Variants in DOK6 observed in about 807,000 individuals in gnomAD.
The protein encoded by DOK6 is downstream of tyrosine kinase 6.
DOK6 carries 22 observed loss-of-function variants against 44.0 expected under a neutral mutation model. The observed-to-expected ratio is 0.50, with a 90% CI of 0.36 to 0.71. DOK6 has a LOEUF of 0.71. Among genes scored for constraint, DOK6 ranks in the 30% least tolerant of loss-of-function variants. The pLI, the probability that DOK6 is intolerant of heterozygous loss-of-function variation, is 0.00. For missense variants in DOK6, 340 were observed against 416.4 expected, an observed-to-expected ratio of 0.82 and a Z score of 1.60; for synonymous variants, 166 against 145.5, an observed-to-expected ratio of 1.14 and a Z score of -1.01.
rs1218076329 is a variant in DOK6, at chr18:69,842,341, CATCT to C, written c.*959_*962del. 2.0e-5 allele frequency: 3 copies of C among 152,152 alleles called. No homozygotes were observed. The highest frequency in any genetic ancestry group is 4.8e-5 in the African/African-American group (2 of 41,424). 9.4% of individuals were successfully genotyped at this position (152,152 alleles called of 1,614,324 possible). A position where few individuals can be genotyped will look rare whatever the true frequency, so the allele number is the denominator to read the frequency against. On this transcript the variant is annotated 3_prime_UTR_variant, in exon 8 of 8. Coordinates refer to ENST00000382713, the MANE Select transcript of DOK6 (RefSeq NM_152721.6). Reference sequence around the variant, plus strand: ...GACAATGTTGCTCCCTGTGGCCATCCATCTGAGCTACGTGAGGAGGATTCCATGT... The same window carrying C: ...GACAATGTTGCTCCCTGTGGCCATCCGAGCTACGTGAGGAGGATTCCATGT...
intron 1 of DOK6, among the ~76,000 whole-genome samples, chr18:69,515,071 C>T (rs1286159859): frequency 3.3e-5 from 5 of 151,996 alleles, no homozygotes; most frequent in Admixed American, 1.3e-4. Flanking sequence ...GACAGCTTTC[C>T]GTTTGTTTTA....
rs556660099 is a variant in DOK6, at chr18:69,759,117, A to G, written c.856+1244A>G. On this transcript the variant is annotated intron_variant, in intron 7 of 7. Coordinates refer to ENST00000382713, the MANE Select transcript of DOK6 (RefSeq NM_152721.6). The stretch of plus-strand genomic sequence containing the variant: ...AAGAGTTATTATCTTTGTTATTTGT[A>G]TGATAAAATATTTAACAGAATAAGG... Among the ~76,000 whole-genome samples, 70 of 151,106 alleles carry G rather than the reference A, an allele frequency of 4.6e-4. 1 individual carries two copies. Among genetic ancestry groups the G allele is most frequent in the African/African-American group, 1.5e-3 (62 of 41,492 alleles).
chr18:69,565,231 G>A (rs1313648202), intron 2 of DOK6, among the ~76,000 whole-genome samples: 1 of 152,098 alleles, frequency 6.6e-6, no homozygotes, highest in Non-Finnish European at 1.5e-5. Context: ...GAACAGTGTT[G>A]CTTAATTGGT....
intron 7 of DOK6, among the ~76,000 whole-genome samples, chr18:69,830,451 CACACACAGAGGAAAGG>C (rs1189558300): frequency 2.0e-5 from 3 of 152,140 alleles, no homozygotes; most frequent in Admixed American, 6.5e-5. Flanking sequence ...CTGACATGCT[CACACACAGAGGAAAGG>C]CCGTGTGAGG....
At chr18:69,664,365 A>G (rs1028970073) in intron 3 of DOK6, among the ~76,000 whole-genome samples, 3 of 152,220 alleles carry the variant, frequency 2.0e-5, no homozygotes, top group African/African-American at 7.2e-5. Flanking sequence ...AGCCATCTTT[A>G]TGAGCTGTAC....
At chr18:69,681,645 A>G (rs73469551) in intron 4 of DOK6, among the ~76,000 whole-genome samples, 24,497 of 152,212 alleles carry the variant, frequency 0.16, 2,351 homozygotes, top group Admixed American at 0.28. Context: ...CAAAGTTTAA[A>G]TTCTTAAAAT....
chr18:69,782,959 C>T lies in DOK6; in HGVS notation c.856+25086C>T, dbSNP rs1048255760. The stretch of plus-strand genomic sequence containing the variant: ...CAGCATGTGTGTGCCCTGTAGCCCA[C>T]GAACTTTGGAAGAAATTGACAGCAA... On this transcript the variant is annotated intron_variant, in intron 7 of 7. Coordinates refer to ENST00000382713, the MANE Select transcript of DOK6 (RefSeq NM_152721.6). 8.5e-5 allele frequency among the ~76,000 whole-genome samples: 13 copies of T among 152,224 alleles called. No homozygotes were observed. The Middle Eastern group carries it at 0.01, about 119-fold the overall frequency.
At chr18:69,535,106 C>T (rs1253622136) in intron 1 of DOK6, among the ~76,000 whole-genome samples, 2 of 152,042 alleles carry the variant, frequency 1.3e-5, no homozygotes, top group African/African-American at 4.8e-5. Flanking sequence ...CACAAGAGAT[C>T]TTATAAGGGT....
chr18:69,670,946 A>G (rs919376516), intron 3 of DOK6, among the ~76,000 whole-genome samples: 1 of 152,122 alleles, frequency 6.6e-6, no homozygotes, highest in African/African-American at 2.4e-5. Flanking sequence ...TTTTTAAAAA[A>G]TATCCAATTC....
intron 1 of DOK6, among the ~76,000 whole-genome samples, chr18:69,444,368 T>C (rs1177641265): frequency 6.6e-6 from 1 of 152,164 alleles, no homozygotes; most frequent in Non-Finnish European, 1.5e-5. Flanking sequence ...CAGGAACTCA[T>C]TGCCTTAGTG....
At chr18:69,812,501 G>C (rs1387996344) in intron 7 of DOK6, among the ~76,000 whole-genome samples, 1 of 152,102 alleles carries the variant, frequency 6.6e-6, no homozygotes, top group Non-Finnish European at 1.5e-5. Flanking sequence ...AGCTCCCAAG[G>C]ATCTGAAGGC....
At chr18:69,673,505 A>T (rs564412373) in intron 3 of DOK6, among the ~76,000 whole-genome samples, 22 of 152,328 alleles carry the variant, frequency 1.4e-4, no homozygotes, top group African/African-American at 4.8e-4. Flanking sequence ...CTGTGGAGAA[A>T]TGGAAAGACA....
intron 1 of DOK6, among the ~76,000 whole-genome samples, chr18:69,518,737 TA>T (rs530459901): frequency 1.1e-3 from 168 of 152,230 alleles, no homozygotes; most frequent in African/African-American, 3.8e-3. Context: ...AAAACATTTC[TA>T]AAAAATATGT....
In DOK6 at chr18:69,695,121, C is replaced by G. The variant is rs185013247; in HGVS notation, c.410-3283C>G. 2.8e-4 allele frequency among the ~76,000 whole-genome samples: 42 copies of G among 152,352 alleles called. 1 individual carries two copies. The highest frequency in any genetic ancestry group is 9.9e-4 in the African/African-American group (41 of 41,582). ...GTCATTCCTCATGATTTCTCTAATACTGCTACTTCCCTGGCAATATTTTAA... is the reference window on the plus strand; with the variant it reads ...GTCATTCCTCATGATTTCTCTAATAGTGCTACTTCCCTGGCAATATTTTAA... On this transcript the variant is annotated intron_variant, in intron 4 of 7. Coordinates refer to ENST00000382713, the MANE Select transcript of DOK6 (RefSeq NM_152721.6).
At chr18:69,776,165 T>C (rs72951513) in intron 7 of DOK6, among the ~76,000 whole-genome samples, 1,915 of 152,002 alleles carry the variant, frequency 0.013, 36 homozygotes, top group Non-Finnish European at 0.016. Flanking sequence ...TCTAAGGAAA[T>C]AGAAAATTAA....
At chr18:69,583,476 C>T (rs1983415084) in intron 2 of DOK6, among the ~76,000 whole-genome samples, 2 of 152,128 alleles carry the variant, frequency 1.3e-5, no homozygotes, top group Non-Finnish European at 2.9e-5. Context: ...TTGGAAATAA[C>T]GTCTCACTTG....
chr18:69,406,627 G>C (rs1471128241), intron 1 of DOK6, among the ~76,000 whole-genome samples: 5 of 152,162 alleles, frequency 3.3e-5, no homozygotes, highest in Admixed American at 3.3e-4. Context: ...TACTTAAAGA[G>C]ATCTTTCAAA....
chr18:69,744,100 C>G (rs1418524382), intron 6 of DOK6, among the ~76,000 whole-genome samples: 2 of 152,088 alleles, frequency 1.3e-5, no homozygotes, highest in African/African-American at 4.8e-5. Context: ...CACCTGAGGT[C>G]AGGAGTTCAA....
At chr18:69,779,720 G>C (rs1009820792) in intron 7 of DOK6, among the ~76,000 whole-genome samples, 1 of 145,734 alleles carries the variant, frequency 6.9e-6, no homozygotes, top group Non-Finnish European at 1.5e-5. Flanking sequence ...GTGTGTGTGT[G>C]CATGTGTGTG....
Sources: allele counts gnomAD v4.1 joint callset (sites outside exome capture counted in the v4.1 genomes callset), GRCh38; gene constraint gnomAD v4.1.1; transcripts MANE v1.5; gene names NCBI Gene and HGNC (gene_info 2026-07-23, HGNC 2026-07-21).